UGT1A8: variants seen among roughly 807,000 people sequenced by gnomAD.
UGT1A8 encodes UDP glucuronosyltransferase family 1 member A8, also known as UDP-glucuronosyltransferase 1A8.
In UGT1A8, 39 loss-of-function variants were observed where a neutral mutation model predicts 45.3. The observed-to-expected ratio is 0.86, with a 90% CI of 0.67 to 1.12. The LOEUF (loss-of-function observed/expected upper bound fraction) is 1.12. Among genes scored for constraint, UGT1A8 ranks in the 50% most tolerant of loss-of-function variants. UGT1A8 has a pLI of 0.00. For missense variants in UGT1A8, 719 were observed against 664.9 expected (o/e 1.08, Z -0.90); for synonymous variants, 275 against 249.2 (o/e 1.10, Z -0.97).
intron 1 of UGT1A8, among the ~76,000 whole-genome samples, chr2:233,628,061 A>G (rs1459773213): frequency 6.6e-6 from 1 of 152,080 alleles, no homozygotes. Flanking sequence ...CTACAAAATT[A>G]TTACAGTAGT....
At chr2:233,728,395 C>A (rs989594953) in intron 1 of UGT1A8, among the ~76,000 whole-genome samples, 4 of 152,120 alleles carry the variant, frequency 2.6e-5, no homozygotes, top group Non-Finnish European at 4.4e-5. Context: ...GTTGTCTTGC[C>A]CATGTGTGCT....
intron 1 of UGT1A8, among the ~76,000 whole-genome samples, chr2:233,683,455 T>C (rs1380614720): frequency 6.6e-6 from 1 of 152,140 alleles, no homozygotes; most frequent in African/African-American, 2.4e-5. Flanking sequence ...GTATACTTTC[T>C]TTACATTATA....
At position 233,665,720 on chromosome 2, in the gene UGT1A8, G is replaced by A. The variant is rs1487391067; in HGVS notation, c.855+47158G>A. Among the ~76,000 whole-genome samples, 3 of 152,126 alleles carry A rather than the reference G, an allele frequency of 2.0e-5. No homozygotes were observed. In the East Asian group the frequency reaches 5.8e-4, roughly 29 times the overall value. ...ATCCCTACCAGATAGGGATTTTTAA[G>A]ATGCAAAAATATAATAATATACAGA... On this transcript the variant is annotated intron_variant, in intron 1 of 4. Transcript: ENST00000373450.
chr2:233,759,589 C>A (rs1019080455), intron 1 of UGT1A8, among the ~76,000 whole-genome samples: 1 of 147,434 alleles, frequency 6.8e-6, no homozygotes, highest in African/African-American at 2.5e-5. Context: ...CAGCACGCCC[C>A]CCACCCCCGA....
intron 1 of UGT1A8, among the ~76,000 whole-genome samples, chr2:233,674,733 A>G (rs1288946256): frequency 6.6e-6 from 1 of 152,220 alleles, no homozygotes; most frequent in Non-Finnish European, 1.5e-5. Flanking sequence ...GGAAGATTAC[A>G]TATATTAATG....
intron 1 of UGT1A8, among the ~76,000 whole-genome samples, chr2:233,695,121 T>TTTTCTTTTC (rs1181246228): frequency 3.7e-4 from 38 of 104,018 alleles, no homozygotes; most frequent in African/African-American, 1.3e-3. Flanking sequence ...TAACCAACCC[T>TTTTCTTTTC]TTTCTTTTCT....
At chr2:233,685,644 A>G (rs369338896) in intron 1 of UGT1A8, among the ~76,000 whole-genome samples, 47 of 152,360 alleles carry the variant, frequency 3.1e-4, no homozygotes, top group African/African-American at 1.1e-3. Context: ...TCGAACATAT[A>G]CCAAGGAGAG....
At chr2:233,744,211 G>A (rs1692734898) in intron 1 of UGT1A8, among the ~76,000 whole-genome samples, 1 of 151,828 alleles carries the variant, frequency 6.6e-6, no homozygotes, top group African/African-American at 2.4e-5. Context: ...GGGAAAAAGA[G>A]GTTGGGGAAA....
At chr2:233,719,401 T>C in intron 1 of UGT1A8, 3 of 1,614,018 alleles carry the variant, frequency 1.9e-6, no homozygotes, top group South Asian at 1.1e-5. Context: ...TCCTCCTATA[T>C]TCCTAAGTTA....
chr2:233,679,323 C>T (rs766783928), intron 1 of UGT1A8, among the ~76,000 whole-genome samples: 8 of 152,160 alleles, frequency 5.3e-5, no homozygotes, highest in Non-Finnish European at 1.0e-4. Flanking sequence ...CCAGAAAACG[C>T]GTTCTTATTG....
At chr2:233,637,268 C>G (rs749486382) in intron 1 of UGT1A8, 1 of 1,613,946 alleles carries the variant, frequency 6.2e-7, no homozygotes, top group South Asian at 1.1e-5. Flanking sequence ...AGTCACACAT[C>G]AATTTGGTTG....
intron 1 of UGT1A8, chr2:233,718,924 C>A: frequency 6.2e-7 from 1 of 1,614,056 alleles, no homozygotes; most frequent in Non-Finnish European, 8.5e-7. Flanking sequence ...TTGGTGGTGC[C>A]CACTGATGGC....
At chr2:233,713,167 T>C (rs768308601) in intron 1 of UGT1A8, 46 of 1,614,104 alleles carry the variant, frequency 2.8e-5, no homozygotes, top group Non-Finnish European at 1.8e-5. Flanking sequence ...CACCAGGTGG[T>C]GGTCCTCACC....
At chr2:233,675,556 C>T (rs892235925) in intron 1 of UGT1A8, among the ~76,000 whole-genome samples, 1 of 152,048 alleles carries the variant, frequency 6.6e-6, no homozygotes, top group African/African-American at 2.4e-5. Flanking sequence ...TGGCTATAGT[C>T]CAAGATCCAA....
chr2:233,724,334 G>C (rs2077226090), intron 1 of UGT1A8, among the ~76,000 whole-genome samples: 2 of 148,198 alleles, frequency 1.3e-5, no homozygotes, highest in African/African-American at 5.0e-5. Context: ...GCCAGGCGGG[G>C]GGCTGACCCC....
intron 1 of UGT1A8, among the ~76,000 whole-genome samples, chr2:233,639,210 G>T (rs1175930245): frequency 6.6e-6 from 1 of 152,104 alleles, no homozygotes; most frequent in Non-Finnish European, 1.5e-5. Context: ...TCTTTTATGA[G>T]ATATGAAATA....
chr2:233,628,302 T>C (rs1359098101), intron 1 of UGT1A8, among the ~76,000 whole-genome samples: 1 of 149,810 alleles, frequency 6.7e-6, no homozygotes, highest in East Asian at 2.0e-4. Flanking sequence ...ATATTTCTAG[T>C]TTATGTGGTT....
At chr2:233,689,816 C>T (rs1484884597) in intron 1 of UGT1A8, 2 of 441,390 alleles carry the variant, frequency 4.5e-6, no homozygotes, top group East Asian at 7.0e-5. Flanking sequence ...GGAAACCAAA[C>T]ATCTCTGGAC....
rs547775108 is a variant in UGT1A8, at chr2:233,640,104, G to A, written c.855+21542G>A. ...GCTTTCCCCATTGCTCTAAGATTCT[G>A]GCTATAGTCCAAGATCCAAATTCAA... On this transcript the variant is annotated intron_variant, in intron 1 of 4. Coordinates refer to ENST00000373450, the MANE Select transcript of UGT1A8 (RefSeq NM_019076.5). 5.5e-4 allele frequency among the ~76,000 whole-genome samples: 83 copies of A among 152,252 alleles called. 1 individual carries two copies. In the Middle Eastern group the frequency reaches 0.034, roughly 62 times the overall value.
Sources: allele counts gnomAD v4.1 joint callset (sites outside exome capture counted in the v4.1 genomes callset), GRCh38; gene constraint gnomAD v4.1.1; transcripts MANE v1.5; gene names NCBI Gene and HGNC (gene_info 2026-07-23, HGNC 2026-07-21).